The following PRKN variants were observed in gnomAD, a reference collection of about 807,000 sequenced individuals.
PRKN encodes the protein E3 ubiquitin-protein ligase parkin.
Under a neutral mutation model 59.5 loss-of-function variants are expected in PRKN, and 56 were observed. The ratio of observed to expected loss-of-function variants is 0.94; its 90% CI spans 0.76 to 1.18. The LOEUF (loss-of-function observed/expected upper bound fraction) is 1.18. PRKN is among the 50% of genes most tolerant of loss of function. PRKN has a pLI of 0.00. For missense variants in PRKN, 657 were observed against 596.4 expected, an observed-to-expected ratio of 1.10 and a Z score of -1.06; for synonymous variants, 250 against 222.1, an observed-to-expected ratio of 1.13 and a Z score of -1.12.
chr6:162,379,561 T>G (rs573002992), intron 2 of PRKN, among the ~76,000 whole-genome samples: 6 of 152,182 alleles, frequency 3.9e-5, no homozygotes, highest in African/African-American at 9.6e-5. Context: ...CCCTTAACTC[T>G]CCTCTCCAGT....
chr6:162,447,207 G>A (rs1455518601), intron 1 of PRKN, among the ~76,000 whole-genome samples: 1 of 152,110 alleles, frequency 6.6e-6, no homozygotes, highest in East Asian at 1.9e-4. Context: ...TAGAGCTAAT[G>A]AAAGCAGTGT....
In PRKN at chr6:161,623,301, A is replaced by C. The variant is rs9347529; in HGVS notation, c.872-53885T>G. 7.2e-5 allele frequency among the ~76,000 whole-genome samples: 11 copies of C among 152,268 alleles called. No individual in the cohort carries two copies. The East Asian group carries it at 1.9e-3, about 27-fold the overall frequency. ...TATCCTAGTTTTTCTGCCTCTCTTCAACCATGTTTTCCCTTAAAAAAGATG... is the reference window on the plus strand; with the variant it reads ...TATCCTAGTTTTTCTGCCTCTCTTCCACCATGTTTTCCCTTAAAAAAGATG... On this transcript the variant is annotated intron_variant, in intron 7 of 11. Coordinates refer to ENST00000366898, the MANE Select transcript of PRKN (RefSeq NM_004562.3).
In PRKN at chr6:162,011,429, T is replaced by TATA. The variant is rs1264936631; in HGVS notation, c.619-38015_619-38013dup. The stretch of plus-strand genomic sequence containing the variant: ...ATATAATATATTATATTTTATAATA[T>TATA]ATATGTTATATATTTATAATATATA... On this transcript the variant is annotated intron_variant, in intron 5 of 11. Coordinates refer to ENST00000366898, the MANE Select transcript of PRKN (RefSeq NM_004562.3). Among the ~76,000 whole-genome samples, 4 of 21,792 alleles carry TATA rather than the reference T, an allele frequency of 1.8e-4. No individual in the cohort carries two copies. In the African/African-American group the frequency reaches 2.1e-3, roughly 12 times the overall value. The allele number at this position is 21,792 out of a possible 152,430, so 14.3% of individuals were successfully genotyped here. A position where few individuals can be genotyped will look rare whatever the true frequency, so the allele number is the denominator to read the frequency against.
At chr6:161,806,736 A>G (rs1224189294) in intron 6 of PRKN, among the ~76,000 whole-genome samples, 2 of 152,198 alleles carry the variant, frequency 1.3e-5, no homozygotes, top group African/African-American at 4.8e-5. Flanking sequence ...TTTATTGAAC[A>G]TCCATCTGGT....
rs956365434 is a variant in PRKN at position 161,584,231 on chromosome 6, T to C, written c.872-14815A>G. ...ACAGGTGGCAACCCTGCAGGCAACA[T>C]AATTATGAAAAATGTCTGTGCTCAA... On this transcript the variant is annotated intron_variant, in intron 7 of 11. Transcript: ENST00000366898. The surrounding 1 kb of genome is among the most constrained non-coding windows in gnomAD (Gnocchi z 4.8). Among the ~76,000 whole-genome samples the C allele has an allele frequency of 6.6e-6, 1 of 152,168 alleles. No individual in the cohort carries two copies. The highest frequency in any genetic ancestry group is 1.5e-5 in the Non-Finnish European group (1 of 68,032).
intron 1 of PRKN, among the ~76,000 whole-genome samples, chr6:162,686,875 G>C (rs894407696): frequency 1.2e-4 from 19 of 152,244 alleles, no homozygotes; most frequent in African/African-American, 3.6e-4. Context: ...ATTGATCTAT[G>C]TATCTATTTT....
At chr6:161,916,226 G>T (rs775036960) in intron 6 of PRKN, among the ~76,000 whole-genome samples, 12 of 152,150 alleles carry the variant, frequency 7.9e-5, no homozygotes, top group Non-Finnish European at 1.2e-4. Context: ...GATACATTGG[G>T]AGGATTATGG....
At chr6:162,105,956 C>T (rs552625000) in intron 4 of PRKN, among the ~76,000 whole-genome samples, 2 of 152,280 alleles carry the variant, frequency 1.3e-5, no homozygotes, top group African/African-American at 4.8e-5. Flanking sequence ...AATCGTCATA[C>T]ATACTTGCCC....
intron 5 of PRKN, among the ~76,000 whole-genome samples, chr6:161,978,640 C>T (rs1247258311): frequency 2.0e-5 from 3 of 152,258 alleles, no homozygotes; most frequent in Non-Finnish European, 4.4e-5. Flanking sequence ...GGAAAGCTTT[C>T]TAGCTGGAGT....
chr6:161,804,610 AG>A (rs1382519533), intron 6 of PRKN, among the ~76,000 whole-genome samples: 1 of 152,220 alleles, frequency 6.6e-6, no homozygotes, highest in Non-Finnish European at 1.5e-5. Flanking sequence ...TTTGGAGACA[AG>A]GTTGACAATT....
At chr6:161,936,852 C>T (rs1779378036) in intron 6 of PRKN, among the ~76,000 whole-genome samples, 1 of 150,130 alleles carries the variant, frequency 6.7e-6, no homozygotes, top group Non-Finnish European at 1.5e-5. Flanking sequence ...GTAGCGTGAT[C>T]TTGGCTCACT....
At chr6:162,553,147 G>A (rs1318457489) in intron 1 of PRKN, among the ~76,000 whole-genome samples, 1 of 152,090 alleles carries the variant, frequency 6.6e-6, no homozygotes, top group Non-Finnish European at 1.5e-5. Context: ...TGTGCATTGG[G>A]GAAATGAGAG....
intron 1 of PRKN, among the ~76,000 whole-genome samples, chr6:162,580,938 A>T (rs982448196): frequency 6.6e-5 from 10 of 152,190 alleles, no homozygotes; most frequent in Non-Finnish European, 1.3e-4. Context: ...ATGTACTAAA[A>T]ATACAATGGA....
chr6:162,234,558 T>C (rs1042083237), intron 3 of PRKN, among the ~76,000 whole-genome samples: 10 of 152,174 alleles, frequency 6.6e-5, no homozygotes, highest in African/African-American at 2.2e-4. Flanking sequence ...AGTATTTGCA[T>C]ATAGCCTACA....
At chr6:161,600,086 T>C (rs10440818) in intron 7 of PRKN, among the ~76,000 whole-genome samples, 1,946 of 152,344 alleles carry the variant, frequency 0.013, 51 homozygotes, top group African/African-American at 0.043. Context: ...CAGTTCATTT[T>C]CTTAGAAAAG....
intron 2 of PRKN, among the ~76,000 whole-genome samples, chr6:162,416,458 T>C (rs1228893488): frequency 6.6e-6 from 1 of 152,220 alleles, no homozygotes; most frequent in Non-Finnish European, 1.5e-5. Context: ...GGAAGCAAAG[T>C]CACTAGATTT....
Position 161,462,165 on chromosome 6 carries a change from C to T in PRKN, c.1084-75288G>A, listed in dbSNP as rs1385406147. Among the ~76,000 whole-genome samples, 3 of 152,210 alleles carry T rather than the reference C, an allele frequency of 2.0e-5. No individual in the cohort carries two copies. Among genetic ancestry groups the T allele is most frequent in the Non-Finnish European group, 4.4e-5 (3 of 68,044 alleles). On this transcript the variant is annotated intron_variant, in intron 9 of 11. Coordinates refer to ENST00000366898, the MANE Select transcript of PRKN (RefSeq NM_004562.3). This position sits in a 1 kb window ranked among gnomAD's most constrained non-coding sequence, Gnocchi z 4.5. ...ACATGCTTTGTCTCATCCTTTTCAT[C>T]TTTGCACAATATTAGCCTCTACTGT...
At chr6:161,979,335 C>T (rs887584867) in intron 5 of PRKN, among the ~76,000 whole-genome samples, 6 of 152,136 alleles carry the variant, frequency 3.9e-5, no homozygotes, top group Admixed American at 2.0e-4. Flanking sequence ...TGCAGTGGCA[C>T]GATCTTGGCT....
intron 5 of PRKN, among the ~76,000 whole-genome samples, chr6:162,050,473 T>G (rs1449663565): frequency 3.1e-5 from 1 of 32,330 alleles, no homozygotes; most frequent in Non-Finnish European, 5.2e-5. Flanking sequence ...TCACCCCCTC[T>G]CTTTTTTTTT....
Sources: allele counts gnomAD v4.1 joint callset (sites outside exome capture counted in the v4.1 genomes callset), GRCh38; gene constraint gnomAD v4.1.1; non-coding constraint Gnocchi (gnomAD v3.1); transcripts MANE v1.5; gene names NCBI Gene and HGNC (gene_info 2026-07-23, HGNC 2026-07-21).